AGAP1: variants seen among roughly 807,000 people sequenced by gnomAD.
AGAP1 encodes arf-GAP with GTPase, ANK repeat and PH domain-containing protein 1.
In AGAP1, 29 loss-of-function variants were observed where a neutral mutation model predicts 105.3. The observed-to-expected ratio is 0.28, with a 90% CI of 0.21 to 0.38. The LOEUF is 0.38. Ranked by LOEUF, AGAP1 falls within the 10% of genes least tolerant of loss-of-function variation. The pLI is 1.00. For synonymous variants in AGAP1, 509 were observed against 485.9 expected (o/e 1.05, Z -0.63); for missense variants, 998 against 1,165.1 (o/e 0.86, Z 2.09).
chr2:235,649,629 C>G (rs1180064063), intron 1 of AGAP1, among the ~76,000 whole-genome samples: 2 of 152,182 alleles, frequency 1.3e-5, no homozygotes, highest in Non-Finnish European at 2.9e-5. Flanking sequence ...GCCTCAGCCT[C>G]CCAGAGTGCT....
intron 1 of AGAP1, among the ~76,000 whole-genome samples, chr2:235,687,899 C>CTTTTTTTTTT (rs10670064): frequency 2.2e-5 from 2 of 89,646 alleles, no homozygotes; most frequent in Non-Finnish European, 4.0e-5. Context: ...CGCTCTCTGA[C>CTTTTTTTTTT]TTTTTTTTTT....
rs549331854 is a variant in AGAP1, at chr2:235,753,150, A to G, written c.673+2662A>G. The stretch of plus-strand genomic sequence containing the variant: ...TTGGGTTGAGTTCCATACCACACCC[A>G]GCACGTTCAAGGCAGAGGACAGGCA... On this transcript the variant is annotated intron_variant, in intron 6 of 17. Coordinates refer to ENST00000304032, the MANE Select transcript of AGAP1 (RefSeq NM_001037131.3). The surrounding 1 kb of genome is among the most constrained non-coding windows in gnomAD (Gnocchi z 4.5). Among the ~76,000 whole-genome samples the G allele has an allele frequency of 6.6e-6, 1 of 152,340 alleles. No homozygotes were observed. Among genetic ancestry groups the G allele is most frequent in the East Asian group, 1.9e-4 (1 of 5,180 alleles).
At chr2:236,116,335 G>C (rs1466673439) in intron 16 of AGAP1, among the ~76,000 whole-genome samples, 2 of 143,722 alleles carry the variant, frequency 1.4e-5, no homozygotes, top group Non-Finnish European at 3.1e-5. Context: ...TGGGGTACAG[G>C]TGGTATTTGG....
chr2:236,023,655 C>G (rs983483100), intron 13 of AGAP1, among the ~76,000 whole-genome samples: 2 of 152,092 alleles, frequency 1.3e-5, no homozygotes, highest in Non-Finnish European at 2.9e-5. Context: ...GTGGTGCTGT[C>G]TGGAGGCCTC....
intron 1 of AGAP1, among the ~76,000 whole-genome samples, chr2:235,564,708 G>C (rs1282543626): frequency 6.3e-5 from 9 of 143,702 alleles, no homozygotes; most frequent in Admixed American, 2.7e-4. Flanking sequence ...GTGTGAGCCT[G>C]GACCACCACC....
rs117233709 is a variant in AGAP1 at position 236,063,079 on chromosome 2, C to T, written c.2114+13798C>T. ...CTGGGATTACAGGGGTGAGGCACTG[C>T]GCCCCGCTGTACTCAGGACTTTTAT... is the stretch of plus-strand genomic sequence containing the variant. On this transcript the variant is annotated intron_variant, in intron 16 of 17. Transcript: ENST00000304032. Among the ~76,000 whole-genome samples the T allele has an allele frequency of 1.1e-3, 160 of 152,124 alleles. No homozygotes were observed. In the East Asian group the frequency reaches 0.018, roughly 17 times the overall value.
In AGAP1 at chr2:235,611,267, C is replaced by A. The variant is rs1214236952; in HGVS notation, c.164-97912C>A. 6.6e-6 allele frequency among the ~76,000 whole-genome samples: 1 copy of A among 152,212 alleles called. No homozygotes were observed. Among genetic ancestry groups the A allele is most frequent in the Non-Finnish European group, 1.5e-5 (1 of 68,042 alleles). On this transcript the variant is annotated intron_variant, in intron 1 of 17. Transcript: ENST00000304032. This position sits in a 1 kb window ranked among gnomAD's most constrained non-coding sequence, Gnocchi z 5.0. ...TGGTCTTGGTTTGACTCCCTTGTGG[C>A]CCACACAACACTTTCGTTGGAGATG... is the stretch of plus-strand genomic sequence containing the variant.
intron 3 of AGAP1, 92 bp downstream of exon 3, chr2:235,717,736 C>A: frequency 2.8e-6 from 3 of 1,079,252 alleles, no homozygotes; most frequent in Admixed American, 2.8e-5. Context: ...TGATGTATCA[C>A]AGGTCAAGAA....
intron 16 of AGAP1, among the ~76,000 whole-genome samples, chr2:236,069,136 AAAAG>A (rs915540706): frequency 1.1e-4 from 17 of 152,244 alleles, no homozygotes; most frequent in South Asian, 8.3e-4. Context: ...TAAAAAAAAA[AAAAG>A]AAAGAAATTT....
rs149011233 is a variant in AGAP1, at chr2:235,993,135, G to A, written c.1645+24512G>A. On this transcript the variant is annotated intron_variant, in intron 13 of 17. Transcript: ENST00000304032. The surrounding 1 kb of genome is among the most constrained non-coding windows in gnomAD (Gnocchi z 5.0). ...GTGCTTCCTAAGTATTGATAGCGGC[G>A]TATATATAGGATTCCCACAATTTGC... Among the ~76,000 whole-genome samples, 18 of 152,260 alleles carry A rather than the reference G, an allele frequency of 1.2e-4. 1 individual carries two copies. The South Asian group carries it at 3.1e-3, about 26-fold the overall frequency.
At position 235,777,713 on chromosome 2, in the gene AGAP1, A is replaced by G. The variant is rs539568261; in HGVS notation, c.674-20046A>G. 1.1e-4 allele frequency among the ~76,000 whole-genome samples: 16 copies of G among 152,184 alleles called. No individual in the cohort carries two copies. Among genetic ancestry groups the G allele is most frequent in the Non-Finnish European group, 2.2e-4 (15 of 68,032 alleles). ...CTTCCTAGAGCACCGCCATTGGCAT[A>G]AGGACTAGGTAGGCAGATGTCCTGA... On this transcript the variant is annotated intron_variant, in intron 6 of 17. Coordinates refer to ENST00000304032, the MANE Select transcript of AGAP1 (RefSeq NM_001037131.3). The surrounding 1 kb of genome is among the most constrained non-coding windows in gnomAD (Gnocchi z 5.1).
intron 1 of AGAP1, among the ~76,000 whole-genome samples, chr2:235,616,880 ATC>A (rs769175633): frequency 2.0e-5 from 3 of 152,172 alleles, no homozygotes; most frequent in Non-Finnish European, 4.4e-5. Context: ...GGAGGGGTGT[ATC>A]TTGTAATTTT....
At chr2:235,892,898 G>T (rs1487321032) in intron 10 of AGAP1, among the ~76,000 whole-genome samples, 1 of 152,242 alleles carries the variant, frequency 6.6e-6, no homozygotes, top group Admixed American at 6.5e-5. Context: ...CAGATTTTCA[G>T]ATGTGAAGCT....
At chr2:235,937,169 G>T (rs757903894) in intron 12 of AGAP1, among the ~76,000 whole-genome samples, 26 of 152,080 alleles carry the variant, frequency 1.7e-4, no homozygotes, top group Non-Finnish European at 3.5e-4. Context: ...AGTGTTAAAG[G>T]CCCCTGGGCT....
chr2:235,509,134 C>T (rs111340496), intron 1 of AGAP1, among the ~76,000 whole-genome samples: 1,550 of 152,254 alleles, frequency 0.01, 19 homozygotes, highest in African/African-American at 0.036. Flanking sequence ...TTATAGTTAC[C>T]GTGAAAATTA....
chr2:235,557,138 C>T lies in AGAP1; in HGVS notation c.163+62289C>T, dbSNP rs1247281778. On this transcript the variant is annotated intron_variant, in intron 1 of 17. Coordinates refer to ENST00000304032, the MANE Select transcript of AGAP1 (RefSeq NM_001037131.3). This position sits in a 1 kb window ranked among gnomAD's most constrained non-coding sequence, Gnocchi z 4.7. ...CTGGTTGTCTTGCTGACCTGGTCTG[C>T]CTCCTGCTTGCTTCCATAGCAGAGC... Among the ~76,000 whole-genome samples the T allele has an allele frequency of 3.9e-5, 6 of 151,988 alleles. No homozygotes were observed. The highest frequency in any genetic ancestry group is 1.2e-4 in the African/African-American group (5 of 41,372).
rs879652968 is a variant in AGAP1, at chr2:235,992,754, C to T, written c.1645+24131C>T. 2.6e-5 allele frequency among the ~76,000 whole-genome samples: 4 copies of T among 152,304 alleles called. No homozygotes were observed. Among genetic ancestry groups the T allele is most frequent in the Non-Finnish European group, 4.4e-5 (3 of 68,022 alleles). ...TGCACACCTGGGGATGCGTCGTGGG[C>T]GCCGAGGAGAGCGTAGCCTCCTGTT... On this transcript the variant is annotated intron_variant, in intron 13 of 17. Coordinates refer to ENST00000304032, the MANE Select transcript of AGAP1 (RefSeq NM_001037131.3). The surrounding 1 kb of genome is among the most constrained non-coding windows in gnomAD (Gnocchi z 4.8).
intron 1 of AGAP1, among the ~76,000 whole-genome samples, chr2:235,506,713 A>T (rs535771484): frequency 6.6e-6 from 1 of 152,312 alleles, no homozygotes; most frequent in South Asian, 2.1e-4. Flanking sequence ...AGGGCCAGTG[A>T]GATGCAAAGC....
rs1337457815 is a variant in AGAP1 at position 235,577,637 on chromosome 2, G to C, written c.163+82788G>C. On this transcript the variant is annotated intron_variant, in intron 1 of 17. Coordinates refer to ENST00000304032, the MANE Select transcript of AGAP1 (RefSeq NM_001037131.3). The surrounding 1 kb of genome is among the most constrained non-coding windows in gnomAD (Gnocchi z 4.5). ...CATGGTTCTTCCCCCGGTTATTTTT[G>C]TTTGGGCAGTTAACTCTGAGCATTC... Among the ~76,000 whole-genome samples, 1 of 152,046 alleles carries C rather than the reference G, an allele frequency of 6.6e-6. No homozygotes were observed. Among genetic ancestry groups the C allele is most frequent in the East Asian group, 1.9e-4 (1 of 5,188 alleles).
Sources: allele counts gnomAD v4.1 joint callset (sites outside exome capture counted in the v4.1 genomes callset), GRCh38; gene constraint gnomAD v4.1.1; non-coding constraint Gnocchi (gnomAD v3.1); transcripts MANE v1.5; gene names NCBI Gene and HGNC (gene_info 2026-07-23, HGNC 2026-07-21).